Variants in USP12 observed in about 807,000 individuals in gnomAD.
USP12 encodes ubiquitin carboxyl-terminal hydrolase 12.
USP12 carries 19 observed loss-of-function variants against 45.5 expected under a neutral mutation model. The ratio of observed to expected loss-of-function variants is 0.42; its 90% CI spans 0.29 to 0.61. The LOEUF (loss-of-function observed/expected upper bound fraction) is 0.61. USP12 is among the 20% of genes least tolerant of loss of function. The probability of loss-of-function intolerance (pLI) is 0.22; values close to 1 mark genes in which losing one functional copy is unlikely to be tolerated. For missense variants in USP12, 242 were observed against 447.7 expected (o/e 0.54, Z 4.15); for synonymous variants, 149 against 148.8 (o/e 1.00, Z -0.01).
At chr13:27,109,479 GA>G (rs1157468161) in intron 2 of USP12, among the ~76,000 whole-genome samples, 7 of 152,164 alleles carry the variant, frequency 4.6e-5, no homozygotes, top group Admixed American at 6.5e-5. Flanking sequence ...TTTGAAATGG[GA>G]ATAGTCTCTA....
In USP12 at chr13:27,075,295, G is replaced by A; in HGVS notation, c.828C>T (p.Tyr276=). The part of the protein sequence containing the change: ...DQLHRYTKLS[Y]RVVFPLELRL... ...GAAGTTCTAAAGGAAAAACTACCCG[G>A]TAAGAGAGTTTTGTATATCGATGAA... The change falls in exon 7 of 9, where the codon TAC becomes TAT. Residue 276 remains tyrosine, a synonymous_variant. Coordinates refer to ENST00000282344, the MANE Select transcript of USP12 (RefSeq NM_182488.4). The A allele has an allele frequency of 6.2e-7, 1 of 1,614,046 alleles. No individual in the cohort carries two copies. Among genetic ancestry groups the A allele is most frequent in the Non-Finnish European group, 8.5e-7 (1 of 1,179,968 alleles).
At chr13:27,103,622 T>C (rs1432859844) in intron 3 of USP12, among the ~76,000 whole-genome samples, 1 of 136,336 alleles carries the variant, frequency 7.3e-6, no homozygotes, top group Non-Finnish European at 1.6e-5. Context: ...ATAATAATAA[T>C]AATAATAAGG....
intron 4 of USP12, among the ~76,000 whole-genome samples, chr13:27,092,301 T>A (rs1874354809): frequency 6.6e-6 from 1 of 152,208 alleles, no homozygotes. Context: ...CCCAACTTCA[T>A]CTATAGGTTC....
At chr13:27,082,015 A>C (rs994710208) in intron 6 of USP12, among the ~76,000 whole-genome samples, 1 of 152,224 alleles carries the variant, frequency 6.6e-6, no homozygotes, top group African/African-American at 2.4e-5. Flanking sequence ...TTAAGAACTC[A>C]AGGATTTTAG....
chr13:27,151,289 C>T (rs1222680766), intron 1 of USP12, among the ~76,000 whole-genome samples: 1 of 151,418 alleles, frequency 6.6e-6, no homozygotes, highest in Admixed American at 6.6e-5. Context: ...CAAGATTCAG[C>T]GACAAAGCAA....
chr13:27,114,920 G>A (rs1338996443), intron 2 of USP12, among the ~76,000 whole-genome samples: 2 of 152,180 alleles, frequency 1.3e-5, no homozygotes, highest in Non-Finnish European at 2.9e-5. Context: ...AGGAGGTGAA[G>A]GCTGCAGTGA....
rs1190676681 is a variant in USP12 at position 27,068,611 on chromosome 13, A to AT, written c.*671dup. ...ACTCTACCAGTTTTAAGTAAAATAA[A>AT]TAAGGAAAAAATTATAATTACAAAG... On this transcript the variant is annotated 3_prime_UTR_variant, in exon 9 of 9. Coordinates refer to ENST00000282344, the MANE Select transcript of USP12 (RefSeq NM_182488.4). 6.6e-6 allele frequency: 1 copy of AT among 152,228 alleles called. No individual in the cohort carries two copies. The highest frequency in any genetic ancestry group is 1.5e-5 in the Non-Finnish European group (1 of 68,056). 9.4% of individuals were successfully genotyped at this position (152,228 alleles called of 1,614,324 possible).
intron 1 of USP12, among the ~76,000 whole-genome samples, chr13:27,155,201 C>A (rs1593213175): frequency 1.3e-5 from 2 of 151,418 alleles, no homozygotes; most frequent in East Asian, 3.9e-4. Flanking sequence ...CCTGCCTCAG[C>A]CTCCCAAGTA....
Position 27,145,930 on chromosome 13 carries a change from T to C in USP12, c.48+25662A>G, listed in dbSNP as rs77958281. Among the ~76,000 whole-genome samples the C allele has an allele frequency of 7.0e-3, 1,068 of 152,324 alleles. 8 individuals carry two copies. The highest frequency in any genetic ancestry group is 0.014 in the Middle Eastern group (4 of 294). On this transcript the variant is annotated intron_variant, in intron 1 of 8. Coordinates refer to ENST00000282344, the MANE Select transcript of USP12 (RefSeq NM_182488.4). ...AGAAAATATTTAATGATCCAGATTT[T>C]GTTTTAAAAATCATGTTTGCCATAA...
intron 1 of USP12, among the ~76,000 whole-genome samples, chr13:27,158,853 T>C (rs959810601): frequency 1.3e-5 from 2 of 152,212 alleles, no homozygotes; most frequent in Non-Finnish European, 2.9e-5. Context: ...CACAAGAGTT[T>C]TGACATGGAA....
intron 4 of USP12, among the ~76,000 whole-genome samples, chr13:27,093,721 C>T (rs1305865848): frequency 2.0e-5 from 3 of 152,152 alleles, no homozygotes; most frequent in Admixed American, 6.5e-5. Flanking sequence ...AACCTGCACA[C>T]AAATGTTTAT....
At chr13:27,166,752 C>T (rs1878362993) in intron 1 of USP12, among the ~76,000 whole-genome samples, 1 of 152,102 alleles carries the variant, frequency 6.6e-6, no homozygotes, top group South Asian at 2.1e-4. Flanking sequence ...TAACTAAGTG[C>T]CTAAGATTAG....
chr13:27,116,449 G>T, intron 2 of USP12, 67 bp downstream of exon 2: 1 of 1,404,052 alleles, frequency 7.1e-7, no homozygotes, highest in Non-Finnish European at 9.9e-7. Flanking sequence ...ATAACTTATG[G>T]AATGCATTCA....
At position 27,170,715 on chromosome 13, in the gene USP12, T is replaced by A. The variant is rs76376334; in HGVS notation, c.48+877A>T. On this transcript the variant is annotated intron_variant, in intron 1 of 8. Transcript: ENST00000282344. ...CCCTAGGAAAACAAATACCATCGCC[T>A]TGGCAGGCGGTCCCCGCACAGACAG... Among the ~76,000 whole-genome samples the A allele has an allele frequency of 4.9e-3, 750 of 152,324 alleles. 3 individuals are homozygous for A. Among genetic ancestry groups the A allele is most frequent in the Non-Finnish European group, 8.7e-3 (593 of 68,018 alleles).
intron 1 of USP12, among the ~76,000 whole-genome samples, chr13:27,131,108 A>G (rs1349735896): frequency 6.6e-6 from 1 of 152,270 alleles, no homozygotes; most frequent in African/African-American, 2.4e-5. Flanking sequence ...ACAGATTTAC[A>G]TATGTTAAAC....
rs576737358 is a variant in USP12, at chr13:27,159,847, C to T, written c.48+11745G>A. ...TTAACATAAAATGGCAAGAACATCA[C>T]GGTAGGCTATTAGCACTGAAATGGT... On this transcript the variant is annotated intron_variant, in intron 1 of 8. Transcript: ENST00000282344. 3.9e-5 allele frequency among the ~76,000 whole-genome samples: 6 copies of T among 152,250 alleles called. No individual in the cohort carries two copies. The East Asian group carries it at 5.8e-4, about 15-fold the overall frequency.
intron 1 of USP12, among the ~76,000 whole-genome samples, chr13:27,118,968 A>G (rs1875865760): frequency 1.3e-5 from 2 of 152,148 alleles, no homozygotes. Flanking sequence ...AGTTTCAACT[A>G]TGGGTCAGGT....
intron 1 of USP12, among the ~76,000 whole-genome samples, chr13:27,143,018 G>A (rs868794688): frequency 1.3e-5 from 2 of 151,948 alleles, no homozygotes; most frequent in Non-Finnish European, 2.9e-5. Flanking sequence ...GCTTGAACTG[G>A]GGAGGCGGAG....
At position 27,108,530 on chromosome 13, in the gene USP12, T is replaced by TAAA. The variant is rs57854009; in HGVS notation, c.130-2589_130-2587dup. Among the ~76,000 whole-genome samples, 45 of 145,540 alleles carry TAAA rather than the reference T, an allele frequency of 3.1e-4. No homozygotes were observed. In the South Asian group the frequency reaches 6.9e-3, roughly 22 times the overall value. On this transcript the variant is annotated intron_variant, in intron 2 of 8. Coordinates refer to ENST00000282344, the MANE Select transcript of USP12 (RefSeq NM_182488.4). The stretch of plus-strand genomic sequence containing the variant: ...CACATGTACCCTAAAACTTAAAGCA[T>TAAA]AAAAAAAAAAAAAGAAATGTACAAT...
Sources: allele counts gnomAD v4.1 joint callset (sites outside exome capture counted in the v4.1 genomes callset), GRCh38; gene constraint gnomAD v4.1.1; transcripts MANE v1.5; gene names NCBI Gene and HGNC (gene_info 2026-07-23, HGNC 2026-07-21).